The following DGLUCY variants were observed in gnomAD, a reference collection of about 807,000 sequenced individuals.
DGLUCY encodes D-glutamate cyclase.
Under a neutral mutation model 58.5 loss-of-function variants are expected in DGLUCY, and 58 were observed. The observed-to-expected ratio is 0.99, with a 90% CI of 0.80 to 1.23. The LOEUF is 1.23. Ranked by LOEUF, DGLUCY falls within the 50% of genes most tolerant of loss-of-function variation. DGLUCY has a pLI of 0.00. For synonymous variants in DGLUCY, 325 were observed against 314.1 expected, an observed-to-expected ratio of 1.03 and a Z score of -0.37; for missense variants, 779 against 784.7, an observed-to-expected ratio of 0.99 and a Z score of 0.09.
chr14:91,175,181 A>G (rs1229647892), intron 6 of DGLUCY, among the ~76,000 whole-genome samples: 1 of 151,980 alleles, frequency 6.6e-6, no homozygotes, highest in African/African-American at 2.4e-5. Context: ...GCTTTGTTCC[A>G]TATGTTAATT....
intron 13 of DGLUCY, among the ~76,000 whole-genome samples, chr14:91,217,714 C>G (rs543977056): frequency 1.3e-5 from 2 of 152,114 alleles, no homozygotes; most frequent in African/African-American, 2.4e-5. Context: ...TCTTGAACTC[C>G]TGACCTCAGG....
intron 12 of DGLUCY, among the ~76,000 whole-genome samples, chr14:91,205,385 G>T (rs1053573968): frequency 2.0e-5 from 3 of 152,106 alleles, no homozygotes; most frequent in Non-Finnish European, 4.4e-5. Flanking sequence ...CACCTTTCCT[G>T]TGTCCAGGTC....
At chr14:91,175,409 A>G (rs1041266741) in intron 6 of DGLUCY, among the ~76,000 whole-genome samples, 1 of 152,182 alleles carries the variant, frequency 6.6e-6, no homozygotes, top group Admixed American at 6.5e-5. Context: ...TTTTGTGAAA[A>G]TGCAGTCAGT....
At chr14:91,221,671 A>C (rs563577470) in intron 13 of DGLUCY, among the ~76,000 whole-genome samples, 2 of 152,284 alleles carry the variant, frequency 1.3e-5, no homozygotes, top group Admixed American at 1.3e-4. Context: ...GCAGAGAGGC[A>C]GGAACAGCCT....
intron 11 of DGLUCY, among the ~76,000 whole-genome samples, chr14:91,200,818 G>A (rs1595903380): frequency 6.6e-6 from 1 of 152,208 alleles, no homozygotes. Flanking sequence ...TCACCTGGGT[G>A]CAGGCAGGCT....
At position 91,188,909 on chromosome 14, in the gene DGLUCY, G is replaced by C. The variant is rs149133547; in HGVS notation, c.935-1G>C. ...TTTACATTCTATTTTTGTCATTTCAGGGAACCGGGGGATTGGGCACCTGCT... is the reference window on the plus strand; with the variant it reads ...TTTACATTCTATTTTTGTCATTTCACGGAACCGGGGGATTGGGCACCTGCT... On this transcript the variant is annotated splice_acceptor_variant, in intron 8 of 13. Transcript: ENST00000256324. LOFTEE classifies it high-confidence loss of function. 5.7e-5 allele frequency: 92 copies of C among 1,608,360 alleles called. No homozygotes were observed. Among genetic ancestry groups the C allele is most frequent in the Non-Finnish European group, 7.8e-5 (92 of 1,178,024 alleles).
intron 1 of DGLUCY, among the ~76,000 whole-genome samples, chr14:91,067,351 A>G (rs2043841281): frequency 6.6e-6 from 1 of 152,160 alleles, no homozygotes; most frequent in African/African-American, 2.4e-5. Context: ...GGCGTAAGCC[A>G]CTAGGACTTG....
intron 13 of DGLUCY, among the ~76,000 whole-genome samples, chr14:91,223,457 CAG>C (rs1463203840): frequency 6.6e-6 from 1 of 151,934 alleles, no homozygotes; most frequent in African/African-American, 2.4e-5. Context: ...AGGAAGAAGA[CAG>C]GGAGAAGGAA....
At chr14:91,065,647 C>T (rs1453529281) in intron 1 of DGLUCY, among the ~76,000 whole-genome samples, 1 of 152,100 alleles carries the variant, frequency 6.6e-6, no homozygotes, top group African/African-American at 2.4e-5. Flanking sequence ...GTTTGTAATG[C>T]ACAACTCTTG....
chr14:91,224,859 T>G lies in DGLUCY; in HGVS notation c.*26T>G, dbSNP rs1887999097. 8 of 1,570,568 alleles carry G rather than the reference T, an allele frequency of 5.1e-6. No individual in the cohort carries two copies. Among genetic ancestry groups the G allele is most frequent in the Non-Finnish European group, 7.0e-6 (8 of 1,149,910 alleles). On this transcript the variant is annotated 3_prime_UTR_variant, in exon 14 of 14. Transcript: ENST00000256324. ...CCGTCCATGTTCCGTGTGAGCAGAG[T>G]CCCTACCAACGGGCAGGTCTGCATC...
upstream of DGLUCY, among the ~76,000 whole-genome samples, chr14:91,111,989 G>C (rs1285166346): frequency 6.6e-6 from 1 of 152,106 alleles, no homozygotes; most frequent in African/African-American, 2.4e-5. Context: ...TGTAATCCCA[G>C]CACTTGGGGA....
chr14:91,127,669 C>G (rs1423030194), intron 1 of DGLUCY, among the ~76,000 whole-genome samples: 2 of 152,254 alleles, frequency 1.3e-5, no homozygotes, highest in African/African-American at 4.8e-5. Flanking sequence ...CCCTCTCACA[C>G]TGTGTCGTCC....
At position 91,114,288 on chromosome 14, in the gene DGLUCY, G is replaced by A. The variant is rs1400669343; in HGVS notation, c.-82+5G>A. On this transcript the variant is annotated splice_donor_5th_base_variant and intron_variant, in intron 1 of 13. Coordinates refer to ENST00000256324, the MANE Select transcript of DGLUCY (RefSeq NM_001102368.3). ...TCCAGACGCCCCAAACAAACAGTAA[G>A]TCAGAAGGGAACAGAGCACAGCACA... 6 of 152,326 alleles carry A rather than the reference G, an allele frequency of 3.9e-5. No individual in the cohort carries two copies. The highest frequency in any genetic ancestry group is 7.3e-5 in the Non-Finnish European group (5 of 68,158). 9.4% of individuals were successfully genotyped at this position (152,326 alleles called of 1,614,324 possible).
At chr14:91,090,312 G>C (rs1044301885) in intron 1 of DGLUCY, among the ~76,000 whole-genome samples, 1 of 152,106 alleles carries the variant, frequency 6.6e-6, no homozygotes, top group Non-Finnish European at 1.5e-5. Context: ...CTGGACCTCA[G>C]CCAGAAAAAG....
intron 1 of DGLUCY, among the ~76,000 whole-genome samples, chr14:91,100,786 T>A (rs72697584): frequency 6.6e-6 from 1 of 152,234 alleles, no homozygotes; most frequent in Non-Finnish European, 1.5e-5. Flanking sequence ...CAAATTTTAT[T>A]TTGGCCAGGC....
At chr14:91,062,600 TATATATATATA>T (rs1430628685) in intron 1 of DGLUCY, among the ~76,000 whole-genome samples, 977 of 33,404 alleles carry the variant, frequency 0.029, 67 homozygotes, top group Non-Finnish European at 0.033. Flanking sequence ...TATATATATA[TATATATATATA>T]AACAATCCTT....
In DGLUCY at chr14:91,205,840, TTC is replaced by T. The variant is rs1184079377; in HGVS notation, c.1564+1017_1564+1018del. Among the ~76,000 whole-genome samples, 270 of 80,212 alleles carry T rather than the reference TTC, an allele frequency of 3.4e-3. 5 individuals are homozygous for T. Among genetic ancestry groups the T allele is most frequent in the Admixed American group, 0.021 (119 of 5,622 alleles). The allele number at this position is 80,212 out of a possible 152,430, so 52.6% of individuals were successfully genotyped here. A position where few individuals can be genotyped will look rare whatever the true frequency, so the allele number is the denominator to read the frequency against. ...CCTCCTCCTCCTCCCTTTCTTCTTCTTCTTTTTTTTTTTTTTTTTTTTTTTGA... is the reference window on the plus strand; with the variant it reads ...CCTCCTCCTCCTCCCTTTCTTCTTCTTTTTTTTTTTTTTTTTTTTTTTTGA... On this transcript the variant is annotated intron_variant, in intron 12 of 13. Transcript: ENST00000256324.
intron 11 of DGLUCY, among the ~76,000 whole-genome samples, chr14:91,200,144 G>A (rs139757280): frequency 6.6e-6 from 1 of 152,252 alleles, no homozygotes; most frequent in East Asian, 1.9e-4. Context: ...TGGTAGAGAC[G>A]AGGTTTCACC....
At chr14:91,166,119 C>T (rs2048268387) in intron 3 of DGLUCY, among the ~76,000 whole-genome samples, 1 of 152,176 alleles carries the variant, frequency 6.6e-6, no homozygotes, top group Admixed American at 6.5e-5. Context: ...AGTCTAAGAA[C>T]AGGCAAAAGT....
Sources: allele counts gnomAD v4.1 joint callset (sites outside exome capture counted in the v4.1 genomes callset), GRCh38; gene constraint gnomAD v4.1.1; transcripts MANE v1.5; gene names NCBI Gene and HGNC (gene_info 2026-07-23, HGNC 2026-07-21).